Variants in CTNND2 observed in about 807,000 individuals in gnomAD.
CTNND2 encodes the protein catenin delta 2, also known as catenin delta-2.
CTNND2 carries 22 observed loss-of-function variants against 144.4 expected under a neutral mutation model. The observed-to-expected ratio is 0.15, with a 90% CI of 0.11 to 0.22. The LOEUF is 0.22. Ranked by LOEUF, CTNND2 falls within the 10% of genes least tolerant of loss-of-function variation. The pLI is 1.00. For synonymous variants in CTNND2, 751 were observed against 695.6 expected (o/e 1.08, Z -1.25); for missense variants, 1,353 against 1,618.8 (o/e 0.84, Z 2.82).
At chr5:11,232,100 C>T (rs540872854) in intron 10 of CTNND2, among the ~76,000 whole-genome samples, 61 of 152,348 alleles carry the variant, frequency 4.0e-4, no homozygotes, top group African/African-American at 1.4e-3. Context: ...CTAGATTTCA[C>T]AGGATGTGTG....
rs574197286 is a variant in CTNND2, at chr5:11,893,015, C to T, written c.37+10802G>A. ...CAACTTAAGACAGCACTTTACCCAG[C>T]CCTGTCACCAGCTCTCCCACTTGCG... On this transcript the variant is annotated intron_variant, in intron 1 of 21. Transcript: ENST00000304623. Among the ~76,000 whole-genome samples the T allele has an allele frequency of 4.6e-5, 7 of 152,344 alleles. No homozygotes were observed. The South Asian group carries it at 6.2e-4, about 14-fold the overall frequency.
chr5:11,571,874 A>C (rs1028889193), intron 2 of CTNND2, among the ~76,000 whole-genome samples: 1 of 152,106 alleles, frequency 6.6e-6, no homozygotes, highest in African/African-American at 2.4e-5. Context: ...CTTGCATTTG[A>C]TAGTGTGTGA....
chr5:11,472,639 T>C (rs1767338807), intron 3 of CTNND2, among the ~76,000 whole-genome samples: 1 of 152,234 alleles, frequency 6.6e-6, no homozygotes, highest in Admixed American at 6.5e-5. Flanking sequence ...TCTAAGAATG[T>C]TATAGTCTTG....
intron 3 of CTNND2, among the ~76,000 whole-genome samples, chr5:11,494,141 A>C (rs991737245): frequency 8.5e-5 from 13 of 152,162 alleles, no homozygotes; most frequent in African/African-American, 3.1e-4. Flanking sequence ...AGAATATAGT[A>C]GTTGTCACAA....
intron 1 of CTNND2, among the ~76,000 whole-genome samples, chr5:11,827,505 C>T (rs942311958): frequency 6.6e-6 from 1 of 152,120 alleles, no homozygotes; most frequent in African/African-American, 2.4e-5. Flanking sequence ...ATAGAAAAGC[C>T]TGTTCTCTGA....
chr5:11,150,199 A>G (rs1457576639), intron 12 of CTNND2, among the ~76,000 whole-genome samples: 1 of 152,104 alleles, frequency 6.6e-6, no homozygotes. Context: ...ACTCTTCCAT[A>G]GCACAGCTGC....
chr5:11,301,057 G>A (rs1749552839), intron 9 of CTNND2, among the ~76,000 whole-genome samples: 1 of 152,026 alleles, frequency 6.6e-6, no homozygotes, highest in Admixed American at 6.5e-5. Context: ...GCTGGGCTGG[G>A]CTGGGCTGGA....
chr5:11,736,543 C>T (rs1253606193), intron 1 of CTNND2, among the ~76,000 whole-genome samples: 1 of 152,134 alleles, frequency 6.6e-6, no homozygotes, highest in African/African-American at 2.4e-5. Flanking sequence ...ATCTTCTCAG[C>T]TCAGGTCACA....
rs750967819 is a variant in CTNND2 at position 11,110,932 on chromosome 5, C to T, written c.2389G>A (p.Glu797Lys). Residue 797 changes from glutamate (E) to lysine (K), a missense_variant, in exon 14 of 22, where the codon GAG (glutamate) becomes AAG (lysine). Coordinates refer to ENST00000304623, the MANE Select transcript of CTNND2 (RefSeq NM_001332.4). The part of the protein sequence containing the change: ...TDELDGLLCG[E>K]ANGKDAESSG... Reference sequence around the variant, plus strand: ...CTCTCAGCATCCTTGCCATTGGCCTCGCCACAGAGTAGCCCGTCCAGCTCG... The same window carrying T: ...CTCTCAGCATCCTTGCCATTGGCCTTGCCACAGAGTAGCCCGTCCAGCTCG... 22 of 1,614,016 alleles carry T rather than the reference C, an allele frequency of 1.4e-5. No individual in the cohort carries two copies. The highest frequency in any genetic ancestry group is 1.9e-5 in the Non-Finnish European group (22 of 1,180,044).
intron 9 of CTNND2, among the ~76,000 whole-genome samples, chr5:11,296,869 A>T (rs1157065243): frequency 2.6e-5 from 4 of 152,148 alleles, no homozygotes; most frequent in African/African-American, 9.7e-5. Flanking sequence ...GCATTAGGAG[A>T]TATACCTAAT....
At chr5:11,879,341 G>GTGTATACATA in intron 1 of CTNND2, among the ~76,000 whole-genome samples, 1 of 109,340 alleles carries the variant, frequency 9.1e-6, no homozygotes, top group Admixed American at 1.0e-4. Flanking sequence ...TTAAATGTGT[G>GTGTATACATA]TATATATATA....
At position 11,199,462 on chromosome 5, in the gene CTNND2, C is replaced by T. The variant is rs770284149; in HGVS notation, c.1961G>A (p.Arg654Gln). ...ATGATTCTAACCTGTGACCAGCTCC[C>T]GGATCTCCAGGTCAGTCGTCTTGCG... ...LLRKTTDLEI[R>Q]ELVTGVLWNL... Residue 654 changes from arginine to glutamine, a missense_variant, in exon 11 of 22, where the codon CGG (arginine) becomes CAG (glutamine). Coordinates refer to ENST00000304623, the MANE Select transcript of CTNND2 (RefSeq NM_001332.4). The T allele has an allele frequency of 1.4e-5, 22 of 1,613,848 alleles. No individual in the cohort carries two copies. Among genetic ancestry groups the T allele is most frequent in the South Asian group, 4.4e-5 (4 of 91,086 alleles).
chr5:11,730,416 G>C (rs908595858), intron 2 of CTNND2, among the ~76,000 whole-genome samples: 4 of 152,136 alleles, frequency 2.6e-5, no homozygotes, highest in African/African-American at 9.7e-5. Context: ...GTAATGAATT[G>C]AAACACGAAC....
intron 10 of CTNND2, among the ~76,000 whole-genome samples, chr5:11,224,003 G>A (rs1270173747): frequency 1.3e-5 from 2 of 152,142 alleles, no homozygotes; most frequent in African/African-American, 2.4e-5. Context: ...CTATTGGTAA[G>A]TAAAAACACG....
rs542703713 is a variant in CTNND2, at chr5:11,639,574, T to C, written c.175-74518A>G. On this transcript the variant is annotated intron_variant, in intron 2 of 21. Coordinates refer to ENST00000304623, the MANE Select transcript of CTNND2 (RefSeq NM_001332.4). ...CGATATTAACATTAGTTCCACTGTG[T>C]AGCATATGAAAAAATTCCATTGCTT... Among the ~76,000 whole-genome samples, 85 of 152,294 alleles carry C rather than the reference T, an allele frequency of 5.6e-4. 1 individual carries two copies. Among genetic ancestry groups the C allele is most frequent in the Non-Finnish European group, 1.0e-3 (71 of 68,020 alleles).
At chr5:11,628,612 G>A (rs79066380) in intron 2 of CTNND2, among the ~76,000 whole-genome samples, 3,483 of 152,208 alleles carry the variant, frequency 0.023, 76 homozygotes, top group East Asian at 0.1. Flanking sequence ...TCCCAAAGCC[G>A]TCTGGGAGTT....
intron 11 of CTNND2, among the ~76,000 whole-genome samples, chr5:11,178,680 C>G (rs899082617): frequency 1.3e-5 from 2 of 152,122 alleles, no homozygotes; most frequent in African/African-American, 4.8e-5. Flanking sequence ...CAGAATTTTA[C>G]TCTTTAAAAA....
chr5:11,429,384 T>G lies in CTNND2; in HGVS notation c.288-17315A>C, dbSNP rs115833557. 6.9e-3 allele frequency among the ~76,000 whole-genome samples: 1,052 copies of G among 152,316 alleles called. 18 individuals carry two copies. Among genetic ancestry groups the G allele is most frequent in the African/African-American group, 0.024 (1,009 of 41,576 alleles). ...TTATAAAAAGATAAATCAGAACTCA[T>G]CAGCAGCAGCTGTCATGAGCATGTC... is the stretch of plus-strand genomic sequence containing the variant. On this transcript the variant is annotated intron_variant, in intron 3 of 21. Transcript: ENST00000304623.
chr5:11,500,730 C>T (rs1350180284), intron 3 of CTNND2, among the ~76,000 whole-genome samples: 1 of 152,168 alleles, frequency 6.6e-6, no homozygotes, highest in South Asian at 2.1e-4. Context: ...GCTACATATT[C>T]TAAAATACAC....
Sources: allele counts gnomAD v4.1 joint callset (sites outside exome capture counted in the v4.1 genomes callset), GRCh38; gene constraint gnomAD v4.1.1; transcripts MANE v1.5; gene names NCBI Gene and HGNC (gene_info 2026-07-23, HGNC 2026-07-21).